The following ITGA11 variants were observed in gnomAD, a reference collection of about 807,000 sequenced individuals.
ITGA11 encodes integrin alpha-11.
Under a neutral mutation model 141.9 loss-of-function variants are expected in ITGA11, and 97 were observed. The ratio of observed to expected loss-of-function variants is 0.68; its 90% CI spans 0.58 to 0.81. The LOEUF is 0.81. Ranked by LOEUF, ITGA11 falls within the 30% of genes least tolerant of loss-of-function variation. The pLI, the probability that ITGA11 is intolerant of heterozygous loss-of-function variation, is 0.00. For missense variants in ITGA11, 1,387 were observed against 1,559.2 expected (o/e 0.89, Z 1.86); for synonymous variants, 658 against 624.6 (o/e 1.05, Z -0.80).
intron 2 of ITGA11, among the ~76,000 whole-genome samples, chr15:68,394,611 C>G (rs1896189396): frequency 6.6e-6 from 1 of 151,824 alleles, no homozygotes; most frequent in African/African-American, 2.4e-5. Flanking sequence ...AATGAGAAAT[C>G]AGGGATTCAA....
At chr15:68,360,193 T>C (rs1179275587) in intron 5 of ITGA11, among the ~76,000 whole-genome samples, 2 of 152,212 alleles carry the variant, frequency 1.3e-5, no homozygotes, top group African/African-American at 2.4e-5. Context: ...GCTCCACACA[T>C]GTGGACTGAG....
chr15:68,355,452 T>TC (rs1288511283), intron 7 of ITGA11, among the ~76,000 whole-genome samples: 2 of 152,030 alleles, frequency 1.3e-5, no homozygotes, highest in African/African-American at 4.8e-5. Context: ...TTTTTCTTTT[T>TC]TTCTTTTTTT....
intron 2 of ITGA11, among the ~76,000 whole-genome samples, chr15:68,398,333 A>G (rs1896374051): frequency 6.6e-6 from 1 of 151,898 alleles, no homozygotes; most frequent in Non-Finnish European, 1.5e-5. Context: ...GAAAACAGAA[A>G]AAGGCAGGGG....
At position 68,331,916 on chromosome 15, in the gene ITGA11, T is replaced by C. The variant is rs1461211817; in HGVS notation, c.1713A>G (p.Ala571=). The C allele has an allele frequency of 2.5e-6, 4 of 1,613,352 alleles. No homozygotes were observed. The highest frequency in any genetic ancestry group is 1.1e-5 in the South Asian group (1 of 90,860). Residue 571 remains alanine (A), a synonymous_variant, in exon 14 of 30, where the codon GCA becomes GCG. Coordinates refer to ENST00000315757, the MANE Select transcript of ITGA11 (RefSeq NM_001004439.2). ...AGCCGTGGAAGATGTAGATGGCTCC[T>C]GCGTGGTTGTCCTCCAGGGGGGCTC... ...VVGAPLEDNH[A]GAIYIFHGFR... is the part of the protein sequence containing the mutation.
At position 68,326,460 on chromosome 15, in the gene ITGA11, G is replaced by A. The variant is rs1001423853; in HGVS notation, c.2211+194C>T. Reference sequence around the variant, plus strand: ...AAGAGGTTTTGGAAGGATGTCTAGTGAGGTGGTATGTAGCGTGTCTCTGGG... The same window carrying A: ...AAGAGGTTTTGGAAGGATGTCTAGTAAGGTGGTATGTAGCGTGTCTCTGGG... On this transcript the variant is annotated intron_variant, in intron 17 of 29. Coordinates refer to ENST00000315757, the MANE Select transcript of ITGA11 (RefSeq NM_001004439.2). This position sits in a 1 kb window ranked among gnomAD's most constrained non-coding sequence, Gnocchi z 6.8. 2.0e-5 allele frequency among the ~76,000 whole-genome samples: 3 copies of A among 152,198 alleles called. No individual in the cohort carries two copies. In the East Asian group the frequency reaches 5.8e-4, roughly 30 times the overall value.
Position 68,298,473 on chromosome 15 carries a change from A to C in ITGA11, c.*4586T>G, listed in dbSNP as rs1246779054. On this transcript the variant is annotated 3_prime_UTR_variant, in exon 30 of 30. Coordinates refer to ENST00000315757, the MANE Select transcript of ITGA11 (RefSeq NM_001004439.2). ...CCCCTCTCTGCACAAAATTAAAAAA[A>C]AAATTAGCTGGGCATGGTGGTGCAT... 3.3e-5 allele frequency: 5 copies of C among 152,264 alleles called. No homozygotes were observed. The highest frequency in any genetic ancestry group is 9.6e-5 in the African/African-American group (4 of 41,540). The allele number at this position is 152,264 out of a possible 1,614,324, so 9.4% of individuals were successfully genotyped here.
At chr15:68,411,215 T>C (rs1296710212) in intron 1 of ITGA11, among the ~76,000 whole-genome samples, 1 of 152,234 alleles carries the variant, frequency 6.6e-6, no homozygotes, top group Non-Finnish European at 1.5e-5. Context: ...GGATTCTACT[T>C]ATCCCTTTAT....
intron 2 of ITGA11, among the ~76,000 whole-genome samples, chr15:68,389,988 G>A (rs556928277): frequency 3.3e-5 from 5 of 152,220 alleles, no homozygotes; most frequent in Admixed American, 6.5e-5. Context: ...TAATTTCAAT[G>A]TAAATGCGAT....
chr15:68,314,190 C>T (rs1567124426), intron 22 of ITGA11, among the ~76,000 whole-genome samples: 1 of 152,016 alleles, frequency 6.6e-6, no homozygotes, highest in African/African-American at 2.4e-5. Context: ...GTCTGTCAGG[C>T]GGGCCAATCC....
intron 1 of ITGA11, among the ~76,000 whole-genome samples, chr15:68,404,852 A>T (rs1389878140): frequency 6.6e-6 from 1 of 152,178 alleles, no homozygotes; most frequent in Non-Finnish European, 1.5e-5. Context: ...ACCTTTTATC[A>T]TTGTTGCCCC....
At position 68,368,086 on chromosome 15, in the gene ITGA11, G is replaced by A. The variant is rs529487779; in HGVS notation, c.265+1098C>T. ...GTGACAGACAGCTGGCTGCCCTGGG[G>A]AGTTCTTTGGGCTTTCTTTTGGATG... On this transcript the variant is annotated intron_variant, in intron 3 of 29. Coordinates refer to ENST00000315757, the MANE Select transcript of ITGA11 (RefSeq NM_001004439.2). Among the ~76,000 whole-genome samples the A allele has an allele frequency of 1.8e-3, 278 of 152,318 alleles. 1 individual carries two copies. The highest frequency in any genetic ancestry group is 6.3e-3 in the African/African-American group (261 of 41,566).
rs1271157973 is a variant in ITGA11, at chr15:68,351,422, G to T, written c.750-20C>A. ...TCTGAGCTGGAAGCCAAGCACAGGGGCAGGGTCATGAAAGGTAAGTGGGAT... is the reference window on the plus strand; with the variant it reads ...TCTGAGCTGGAAGCCAAGCACAGGGTCAGGGTCATGAAAGGTAAGTGGGAT... On this transcript the variant is annotated intron_variant, in intron 7 of 29. Coordinates refer to ENST00000315757, the MANE Select transcript of ITGA11 (RefSeq NM_001004439.2). 6.2e-7 allele frequency: 1 copy of T among 1,612,572 alleles called. No individual in the cohort carries two copies. The highest frequency in any genetic ancestry group is 1.1e-5 in the South Asian group (1 of 90,974).
intron 26 of ITGA11, among the ~76,000 whole-genome samples, chr15:68,310,350 C>G (rs1893341383): frequency 6.6e-6 from 1 of 152,190 alleles, no homozygotes; most frequent in Non-Finnish European, 1.5e-5. Flanking sequence ...TTTGGCAAAG[C>G]CCACTACCCT....
At position 68,331,858 on chromosome 15, in the gene ITGA11, C is replaced by G; in HGVS notation, c.1770+1G>C. 6.2e-7 allele frequency: 1 copy of G among 1,610,290 alleles called. No homozygotes were observed. The highest frequency in any genetic ancestry group is 2.2e-5 in the East Asian group (1 of 44,748). ...CATCCGCTTCCCCAGGGAAGCCTGACCTGCTTAGGTGTCTTCAGGATGCTG... is the reference window on the plus strand; with the variant it reads ...CATCCGCTTCCCCAGGGAAGCCTGAGCTGCTTAGGTGTCTTCAGGATGCTG... On this transcript the variant is annotated splice_donor_variant, in intron 14 of 29. Transcript: ENST00000315757. LOFTEE classifies it high-confidence loss of function.
Position 68,326,782 on chromosome 15 carries a change from C to G in ITGA11, c.2083G>C (p.Ala695Pro), listed in dbSNP as rs781200956. 1 of 1,580,746 alleles carries G rather than the reference C, an allele frequency of 6.3e-7. No homozygotes were observed. Among genetic ancestry groups the G allele is most frequent in the Non-Finnish European group, 8.6e-7 (1 of 1,162,788 alleles). The change falls in exon 17 of 30, where the codon GCC becomes CCC. Residue 695 changes from alanine to proline, a missense_variant. Physicochemically the swap from Ala to Pro is conservative, Grantham distance 27 (BLOSUM62 -1). Transcript: ENST00000315757. The surrounding 1 kb of genome is among the most constrained non-coding windows in gnomAD (Gnocchi z 6.8). Reference protein sequence around the residue: ...QTTTVGIRYNATMDERRYTPR... With the variant: ...QTTTVGIRYNPTMDERRYTPR... The stretch of plus-strand genomic sequence containing the variant: ...GTATACCGCCTCTCATCCATGGTGG[C>G]GTTGTATCTGATGCCTGCAGGAGGG...
chr15:68,421,257 TC>T (rs1897010581), intron 1 of ITGA11, among the ~76,000 whole-genome samples: 1 of 152,088 alleles, frequency 6.6e-6, no homozygotes, highest in Non-Finnish European at 1.5e-5. Flanking sequence ...GGAAGAGCAT[TC>T]GAAGCAGAAG....
intron 7 of ITGA11, among the ~76,000 whole-genome samples, chr15:68,353,320 T>C (rs1044428763): frequency 6.6e-6 from 1 of 152,230 alleles, no homozygotes; most frequent in Non-Finnish European, 1.5e-5. Flanking sequence ...TTTTAGTATG[T>C]GCTGTGGACT....
At chr15:68,421,861 C>T (rs898594) in intron 1 of ITGA11, among the ~76,000 whole-genome samples, 108,900 of 151,992 alleles carry the variant, frequency 0.72, 40,174 homozygotes, top group African/African-American at 0.9. Flanking sequence ...GGTGATACTC[C>T]CAGTGGCAAC....
At chr15:68,356,964 T>C (rs1895089029) in intron 7 of ITGA11, 187 bp downstream of exon 7, 2 of 588,072 alleles carry the variant, frequency 3.4e-6, no homozygotes, top group South Asian at 4.2e-5. Context: ...GACACCAGAC[T>C]GCAACTACCT....
Sources: gnomAD v4.1 joint callset for allele counts (sites outside exome capture counted in the v4.1 genomes callset) on GRCh38, gnomAD v4.1.1 for gene constraint, Gnocchi (gnomAD v3.1) non-coding constraint, MANE v1.5 for transcripts, NCBI Gene and HGNC (gene_info 2026-07-23, HGNC 2026-07-21) for gene names.